WHAMM: variants seen among roughly 807,000 people sequenced by gnomAD.
The protein encoded by WHAMM is WASP homolog-associated protein with actin, membranes and microtubules.
WHAMM carries 67 observed loss-of-function variants against 76.5 expected under a neutral mutation model. That is an observed-to-expected ratio of 0.88 (90% CI 0.72 to 1.07). The LOEUF is 1.07. Ranked by LOEUF, WHAMM falls within the 50% of genes least tolerant of loss-of-function variation. WHAMM has a pLI of 0.00. For synonymous variants in WHAMM, 419 were observed against 422.1 expected, an observed-to-expected ratio of 0.99 and a Z score of 0.09; for missense variants, 1,021 against 1,051.1, an observed-to-expected ratio of 0.97 and a Z score of 0.40.
intron 5 of WHAMM, among the ~76,000 whole-genome samples, chr15:82,820,028 G>GAA (rs777345181): frequency 7.5e-6 from 1 of 134,098 alleles, no homozygotes; most frequent in Non-Finnish European, 1.6e-5. Context: ...TCTTGAAAAG[G>GAA]AAAAAAAAAA....
chr15:82,816,758 TG>T lies in WHAMM; in HGVS notation c.852del (p.Trp284Ter). ...VVALEKEAEE[W>X]TRRAEEAVVS... ...TGCCCTGGAGAAAGAAGCTGAAGAA[TG>T]GACCAGACGGGCTGAAGAAGCTGTC... On this transcript the variant is annotated frameshift_variant, in exon 3 of 10. Transcript: ENST00000286760. LOFTEE classifies it high-confidence loss of function. 1 of 1,559,346 alleles carries T rather than the reference TG, an allele frequency of 6.4e-7. No individual in the cohort carries two copies. Among genetic ancestry groups the T allele is most frequent in the East Asian group, 2.4e-5 (1 of 42,158 alleles).
chr15:82,815,546 A>G (rs1021389561), intron 2 of WHAMM, among the ~76,000 whole-genome samples: 5 of 152,186 alleles, frequency 3.3e-5, no homozygotes, highest in African/African-American at 4.8e-5. Context: ...GTTTCTGTGT[A>G]GACATATGTT....
chr15:82,825,585 T>C (rs1471606059), intron 6 of WHAMM, among the ~76,000 whole-genome samples: 2 of 152,142 alleles, frequency 1.3e-5, no homozygotes, highest in Non-Finnish European at 2.9e-5. Flanking sequence ...CCATGTGACC[T>C]TAGGCAAATT....
At chr15:82,823,404 T>G (rs1293745391) in intron 6 of WHAMM, 117 bp downstream of exon 6, 1 of 867,826 alleles carries the variant, frequency 1.2e-6, no homozygotes, top group Non-Finnish European at 1.6e-6. Context: ...TTTTGTGTGC[T>G]TATGTACTTA....
chr15:82,833,792 T>C lies in WHAMM; in HGVS notation c.*256T>C, dbSNP rs1334719122. On this transcript the variant is annotated 3_prime_UTR_variant, in exon 10 of 10. Transcript: ENST00000286760. ...GCAAGCTCCGCTTCCCAGGCTGGGG[T>C]GCAGTGGTGCGATCTTGGCTCACTG... is the stretch of plus-strand genomic sequence containing the variant. 4.4e-6 allele frequency: 2 copies of C among 452,568 alleles called. No homozygotes were observed. Among genetic ancestry groups the C allele is most frequent in the Admixed American group, 3.7e-5 (1 of 27,288 alleles). 28.0% of individuals were successfully genotyped at this position (452,568 alleles called of 1,614,324 possible). A position where few individuals can be genotyped will look rare whatever the true frequency, so the allele number is the denominator to read the frequency against.
intron 2 of WHAMM, among the ~76,000 whole-genome samples, chr15:82,815,156 G>T (rs1224531838): frequency 4.2e-3 from 33 of 7,890 alleles, no homozygotes; most frequent in South Asian, 0.017. Context: ...TATATATATA[G>T]TACAATTCAG....
Position 82,833,221 on chromosome 15 carries a change from A to T in WHAMM, c.2123-8A>T. ...TTGATAGTACTAGCTCTGCTTATTC[A>T]ATTTCAGGATCTATGGATGAAGTGT... is the stretch of plus-strand genomic sequence containing the variant. On this transcript the variant is annotated splice_region_variant and splice_polypyrimidine_tract_variant and intron_variant, in intron 9 of 9. Coordinates refer to ENST00000286760, the MANE Select transcript of WHAMM (RefSeq NM_001080435.3). The T allele has an allele frequency of 6.2e-7, 1 of 1,612,058 alleles. No individual in the cohort carries two copies. Among genetic ancestry groups the T allele is most frequent in the Non-Finnish European group, 8.5e-7 (1 of 1,178,830 alleles).
At chr15:82,815,803 C>T (rs1437526035) in intron 2 of WHAMM, among the ~76,000 whole-genome samples, 1 of 152,162 alleles carries the variant, frequency 6.6e-6, no homozygotes, top group Non-Finnish European at 1.5e-5. Flanking sequence ...ATTTGTAATT[C>T]CTTGTCGGCT....
At chr15:82,826,557 T>C in intron 7 of WHAMM, 61 bp downstream of exon 7, 2 of 1,594,528 alleles carry the variant, frequency 1.3e-6, no homozygotes, top group South Asian at 2.2e-5. Context: ...AGGCCTAGAC[T>C]TGTGGAAACT....
chr15:82,820,754 GCA>G (rs2050805956), intron 5 of WHAMM, among the ~76,000 whole-genome samples: 3 of 151,964 alleles, frequency 2.0e-5, no homozygotes, highest in Non-Finnish European at 4.4e-5. Flanking sequence ...AATTAGCTGG[GCA>G]TGATGGTAGG....
At chr15:82,811,565 C>T (rs554834986) in intron 1 of WHAMM, among the ~76,000 whole-genome samples, 6 of 152,238 alleles carry the variant, frequency 3.9e-5, no homozygotes, top group South Asian at 2.1e-4. Flanking sequence ...TAGCCGTTCA[C>T]GTTAGTGTAG....
rs200988242 is a variant in WHAMM at position 82,831,028 on chromosome 15, G to A, written c.2071G>A (p.Glu691Lys). 2.4e-4 allele frequency: 380 copies of A among 1,611,178 alleles called. 3 individuals carry two copies. The highest frequency in any genetic ancestry group is 1.5e-3 in the African/African-American group (110 of 74,784). ...TGACCAGCCACGTCCTCTAGTGTGC[G>A]AATCACCTGCTGAGCGACCACGTGA... Reference protein sequence around the residue: ...KDDQPRPLVCESPAERPRDSL... With the variant: ...KDDQPRPLVCKSPAERPRDSL... The change falls in exon 9 of 10, where the codon GAA becomes AAA. Residue 691 changes from glutamate (E) to lysine (K), a missense_variant. Coordinates refer to ENST00000286760, the MANE Select transcript of WHAMM (RefSeq NM_001080435.3).
Position 82,813,238 on chromosome 15 carries a change from A to G in WHAMM, c.745A>G (p.Met249Val), listed in dbSNP as rs552944769. 49 of 1,586,818 alleles carry G rather than the reference A, an allele frequency of 3.1e-5. No individual in the cohort carries two copies. In the East Asian group the frequency reaches 8.1e-4, roughly 26 times the overall value. ...GTACTTATTGCAGCCATTTAGGGCT[A>G]TGCGAGAAGTTGCAACTTTATGTAA... Reference protein sequence around the residue: ...FQYLLQPFRAMREVATLCKLD... With the variant: ...FQYLLQPFRAVREVATLCKLD... Residue 249 changes from methionine (M) to valine (V), a missense_variant, in exon 2 of 10, where the codon ATG becomes GTG. Met to Val is a conservative substitution (Grantham distance 21). This residue lies in a region of WHAMM where 501 missense variants were observed against 524.9 expected (regional missense o/e 0.95). Transcript: ENST00000286760.
rs754943825 is a variant in WHAMM, at chr15:82,826,519, T to C, written c.1545+23T>C. 8 of 1,609,302 alleles carry C rather than the reference T, an allele frequency of 5.0e-6. No homozygotes were observed. The African/African-American group carries it at 5.3e-5, about 11-fold the overall frequency. ...ATGGTGAGTCTCCTCCGAAGGAAAA[T>C]GTTCTATGTTTGTGTAGCGTGACAT... On this transcript the variant is annotated intron_variant, in intron 7 of 9. Transcript: ENST00000286760.
At chr15:82,828,138 T>C (rs1407668121) in intron 8 of WHAMM, among the ~76,000 whole-genome samples, 1 of 152,222 alleles carries the variant, frequency 6.6e-6, no homozygotes, top group Non-Finnish European at 1.5e-5. Context: ...CCAGGCACCA[T>C]GCTAGGCACT....
chr15:82,818,823 C>G (rs1404499605), intron 4 of WHAMM, among the ~76,000 whole-genome samples: 1 of 152,232 alleles, frequency 6.6e-6, no homozygotes, highest in African/African-American at 2.4e-5. Flanking sequence ...TGCAGATTCA[C>G]TGTCCGGTGA....
At chr15:82,814,021 G>A (rs1017340071) in intron 2 of WHAMM, among the ~76,000 whole-genome samples, 20 of 152,038 alleles carry the variant, frequency 1.3e-4, no homozygotes, top group Non-Finnish European at 2.5e-4. Context: ...AAGGACTTAC[G>A]CAGATTTCTT....
In WHAMM at chr15:82,810,141, G is replaced by C; in HGVS notation, c.415G>C (p.Glu139Gln). 2 of 1,367,616 alleles carry C rather than the reference G, an allele frequency of 1.5e-6. No homozygotes were observed. Among genetic ancestry groups the C allele is most frequent in the Non-Finnish European group, 1.9e-6 (2 of 1,053,736 alleles). The allele number at this position is 1,367,616 out of a possible 1,614,324, so 84.7% of individuals were successfully genotyped here. A position where few individuals can be genotyped will look rare whatever the true frequency, so the allele number is the denominator to read the frequency against. The change falls in exon 1 of 10, where the codon GAG (glutamate) becomes CAG (glutamine). Residue 139 changes from glutamate to glutamine, a missense_variant. Physicochemically the swap from Glu to Gln is conservative, Grantham distance 29. Transcript: ENST00000286760. ...LLWPTRAGPGEAALQELCGQL... is the reference protein window; with the variant it reads ...LLWPTRAGPGQAALQELCGQL... ...GTGGCCGACGCGCGCGGGTCCCGGCGAGGCGGCGCTGCAGGAGCTGTGCGG... is the reference window on the plus strand; with the variant it reads ...GTGGCCGACGCGCGCGGGTCCCGGCCAGGCGGCGCTGCAGGAGCTGTGCGG...
intron 6 of WHAMM, among the ~76,000 whole-genome samples, chr15:82,823,777 G>A (rs952284325): frequency 6.6e-6 from 1 of 152,152 alleles, no homozygotes; most frequent in Non-Finnish European, 1.5e-5. Flanking sequence ...TGTTGGCTAG[G>A]CTGGTCTTGA....
Sources: gnomAD v4.1 joint callset for allele counts (sites outside exome capture counted in the v4.1 genomes callset) on GRCh38, gnomAD v4.1.1 for gene constraint, gnomAD v4.1.1 regional missense constraint, MANE v1.5 for transcripts, NCBI Gene and HGNC (gene_info 2026-07-23, HGNC 2026-07-21) for gene names.